NR3C2: variants seen among roughly 807,000 people sequenced by gnomAD.
The protein encoded by NR3C2 is nuclear receptor subfamily 3 group C member 2, also known as mineralocorticoid receptor.
A neutral mutation model predicts 86.4 loss-of-function variants in NR3C2; 15 were observed. That is an observed-to-expected ratio of 0.17 (90% CI 0.12 to 0.27). The LOEUF is 0.27. NR3C2 is among the 10% of genes least tolerant of loss of function. The probability of loss-of-function intolerance (pLI) is 1.00; values close to 1 mark genes in which losing one functional copy is unlikely to be tolerated. For synonymous variants in NR3C2, 458 were observed against 450.5 expected, an observed-to-expected ratio of 1.02 and a Z score of -0.21; for missense variants, 960 against 1,195.6, an observed-to-expected ratio of 0.80 and a Z score of 2.91.
intron 3 of NR3C2, among the ~76,000 whole-genome samples, chr4:148,225,929 A>C (rs1738135535): frequency 6.6e-6 from 1 of 152,170 alleles, no homozygotes; most frequent in South Asian, 2.1e-4. Context: ...ATCTTTACAC[A>C]GAAGTTTACT....
At position 148,081,066 on chromosome 4, in the gene NR3C2, T is replaced by A; in HGVS notation, c.*278A>T. 2.2e-6 allele frequency: 1 copy of A among 460,346 alleles called. No individual in the cohort carries two copies. The highest frequency in any genetic ancestry group is 4.0e-6 in the Non-Finnish European group (1 of 248,848). The allele number at this position is 460,346 out of a possible 1,614,324, so 28.5% of individuals were successfully genotyped here. A position where few individuals can be genotyped will look rare whatever the true frequency, so the allele number is the denominator to read the frequency against. On this transcript the variant is annotated 3_prime_UTR_variant, in exon 9 of 9. Transcript: ENST00000358102. ...ATCTGTGAAAATATCAAAATCAGAG[T>A]TATTGACTAGATATGGCTTTTCATC...
chr4:148,430,668 C>T (rs1244246573), intron 2 of NR3C2, among the ~76,000 whole-genome samples: 1 of 151,932 alleles, frequency 6.6e-6, no homozygotes, highest in African/African-American at 2.4e-5. Context: ...GAGTAAGCAC[C>T]AATACACTCT....
chr4:148,142,158 T>C (rs1733644052), intron 6 of NR3C2, among the ~76,000 whole-genome samples: 1 of 152,162 alleles, frequency 6.6e-6, no homozygotes, highest in African/African-American at 2.4e-5. Flanking sequence ...GAAAATAGCA[T>C]TTTAAAATTA....
intron 2 of NR3C2, 78 bp from the exon 3 acceptor site, chr4:148,260,195 T>G (rs1367182680): frequency 6.3e-7 from 1 of 1,577,482 alleles, no homozygotes; most frequent in Non-Finnish European, 8.7e-7. Context: ...GCTCAAAATT[T>G]GTCAATAATC....
chr4:148,403,140 T>C (rs1406758197), intron 2 of NR3C2, among the ~76,000 whole-genome samples: 1 of 152,084 alleles, frequency 6.6e-6, no homozygotes, highest in Non-Finnish European at 1.5e-5. Context: ...CCAAATAGTC[T>C]AATTTAAAAA....
chr4:148,097,152 T>G (rs1375402144), intron 8 of NR3C2, among the ~76,000 whole-genome samples: 1 of 152,258 alleles, frequency 6.6e-6, no homozygotes, highest in East Asian at 1.9e-4. Context: ...CTAGCACCTA[T>G]GGGCATAAGG....
At chr4:148,114,662 A>G (rs952048915) in intron 7 of NR3C2, among the ~76,000 whole-genome samples, 3 of 152,216 alleles carry the variant, frequency 2.0e-5, no homozygotes, top group Non-Finnish European at 4.4e-5. Context: ...TCTTAACCAC[A>G]ATGCCACATT....
At chr4:148,087,313 C>T (rs187310712) in intron 8 of NR3C2, among the ~76,000 whole-genome samples, 11 of 152,198 alleles carry the variant, frequency 7.2e-5, no homozygotes, top group South Asian at 6.2e-4. Flanking sequence ...TGAAAATGGC[C>T]GTACTGCCCA....
At chr4:148,270,194 A>T (rs1740609663) in intron 2 of NR3C2, among the ~76,000 whole-genome samples, 1 of 152,084 alleles carries the variant, frequency 6.6e-6, no homozygotes, top group South Asian at 2.1e-4. Context: ...TTAACAAATC[A>T]AAGCTTCAAA....
At chr4:148,175,235 C>T (rs914326289) in intron 4 of NR3C2, among the ~76,000 whole-genome samples, 3 of 152,168 alleles carry the variant, frequency 2.0e-5, no homozygotes, top group Admixed American at 6.5e-5. Context: ...ACCTTCTTAT[C>T]CTAAGAAGAA....
At chr4:148,173,484 G>A (rs1038578076) in intron 4 of NR3C2, among the ~76,000 whole-genome samples, 2 of 152,150 alleles carry the variant, frequency 1.3e-5, no homozygotes, top group African/African-American at 4.8e-5. Context: ...GGGGCCACGA[G>A]CCAAAGAATG....
chr4:148,261,489 C>T (rs72728448), intron 2 of NR3C2, among the ~76,000 whole-genome samples: 26,946 of 152,082 alleles, frequency 0.18, 2,655 homozygotes, highest in Admixed American at 0.22. Flanking sequence ...TGCAGGGTAA[C>T]GGGGGCAGCA....
chr4:148,245,799 ATT>A (rs1055351130), intron 3 of NR3C2, among the ~76,000 whole-genome samples: 1 of 152,228 alleles, frequency 6.6e-6, no homozygotes, highest in African/African-American at 2.4e-5. Context: ...TTCGATGAAA[ATT>A]TTGTATGTAG....
At chr4:148,183,674 A>G (rs774533483) in intron 4 of NR3C2, among the ~76,000 whole-genome samples, 1 of 152,206 alleles carries the variant, frequency 6.6e-6, no homozygotes, top group African/African-American at 2.4e-5. Context: ...TAAGTGGGAC[A>G]GTGCATATAA....
At chr4:148,138,874 G>T (rs1208527101) in intron 6 of NR3C2, among the ~76,000 whole-genome samples, 2 of 152,140 alleles carry the variant, frequency 1.3e-5, no homozygotes, top group Non-Finnish European at 2.9e-5. Context: ...GATAGGAGTG[G>T]GTTATCTTGA....
intron 3 of NR3C2, among the ~76,000 whole-genome samples, chr4:148,256,412 T>C (rs531344180): frequency 7.9e-5 from 12 of 152,332 alleles, no homozygotes; most frequent in Admixed American, 2.6e-4. Context: ...CATTTGTTCA[T>C]AGAGGATAGT....
At chr4:148,260,892 T>G (rs930998369) in intron 2 of NR3C2, among the ~76,000 whole-genome samples, 3 of 152,218 alleles carry the variant, frequency 2.0e-5, no homozygotes, top group Non-Finnish European at 4.4e-5. Context: ...TATAGTACTG[T>G]GTTAGTTGAT....
chr4:148,258,728 T>C (rs1282966159), intron 3 of NR3C2, among the ~76,000 whole-genome samples: 1 of 152,236 alleles, frequency 6.6e-6, no homozygotes, highest in Non-Finnish European at 1.5e-5. Flanking sequence ...ACCAAGCGAC[T>C]GAGCGAGCGG....
At chr4:148,407,381 T>C (rs555626949) in intron 2 of NR3C2, among the ~76,000 whole-genome samples, 8 of 152,298 alleles carry the variant, frequency 5.3e-5, no homozygotes, top group East Asian at 1.9e-4. Flanking sequence ...CCGTAAGTGG[T>C]TTATAAGATT....
Sources: gnomAD v4.1 joint callset for allele counts (sites outside exome capture counted in the v4.1 genomes callset) on GRCh38, gnomAD v4.1.1 for gene constraint, MANE v1.5 for transcripts, NCBI Gene and HGNC (gene_info 2026-07-23, HGNC 2026-07-21) for gene names.